ACTA2: variants seen among roughly 807,000 people sequenced by gnomAD.
ACTA2 encodes the protein actin alpha 2, smooth muscle.
In ACTA2, 12 loss-of-function variants were observed where a neutral mutation model predicts 39.5. The ratio of observed to expected loss-of-function variants is 0.30; its 90% CI spans 0.19 to 0.49. ACTA2 has a LOEUF of 0.49. Among genes scored for constraint, ACTA2 ranks in the 20% least tolerant of loss-of-function variants. ACTA2 has a pLI of 0.99. For synonymous variants in ACTA2, 158 were observed against 180.6 expected (o/e 0.88, Z 1.00); for missense variants, 236 against 498.8 (o/e 0.47, Z 5.02).
At chr10:88,962,310 T>G (rs1411876864) in intron 1 of ACTA2, among the ~76,000 whole-genome samples, 1 of 152,200 alleles carries the variant, frequency 6.6e-6, no homozygotes, top group African/African-American at 2.4e-5. Flanking sequence ...GTTTGTAAAT[T>G]CTGATCTACA....
Position 88,941,818 on chromosome 10 carries a change from C to T in ACTA2, c.421G>A (p.Val141Met). The T allele has an allele frequency of 1.2e-6, 2 of 1,613,136 alleles. No individual in the cohort carries two copies. Among genetic ancestry groups the T allele is most frequent in the Non-Finnish European group, 1.7e-6 (2 of 1,179,648 alleles). Residue 141 changes from valine to methionine, a missense_variant, in exon 5 of 9, where the codon GTG becomes ATG. Transcript: ENST00000224784. ...VPAMYVAIQAVLSLYASGRTT... is the reference protein window; with the variant it reads ...VPAMYVAIQAMLSLYASGRTT... ...CGTCCAGAGGCATAGAGAGACAGCA[C>T]CGCCTGGATAGCCACATACATGGCT...
At chr10:88,942,382 C>T (rs1845871892) in intron 4 of ACTA2, among the ~76,000 whole-genome samples, 1 of 152,190 alleles carries the variant, frequency 6.6e-6, no homozygotes, top group South Asian at 2.1e-4. Flanking sequence ...CTCAGGCTGG[C>T]TAGGTTTAGC....
At position 88,958,276 on chromosome 10, in the gene ACTA2, T is replaced by A. The variant is rs187739959; in HGVS notation, c.-23-9323A>T. On this transcript the variant is annotated intron_variant, in intron 1 of 4. Coordinates refer to the ACTA2 transcript ENST00000415557. ...ACTGAACTGAATAAAGCACAGAAAA[T>A]GCTTAGCAAATGGTCAAGGATATTC... Among the ~76,000 whole-genome samples, 557 of 152,318 alleles carry A rather than the reference T, an allele frequency of 3.7e-3. 2 individuals carry two copies. Among genetic ancestry groups the A allele is most frequent in the African/African-American group, 0.013 (537 of 41,570 alleles).
intron 7 of ACTA2, 165 bp from the exon 8 acceptor site, chr10:88,938,407 T>G (rs1353323089): frequency 2.7e-6 from 2 of 740,248 alleles, no homozygotes; most frequent in Non-Finnish European, 4.6e-6. Flanking sequence ...CTTGTTATGC[T>G]CTATGTCTTC....
chr10:88,976,632 C>T, intron 1 of ACTA2, among the ~76,000 whole-genome samples: 1 of 152,150 alleles, frequency 6.6e-6, no homozygotes, highest in East Asian at 1.9e-4. Context: ...TAATCAGCAG[C>T]AATTCAATGA....
intron 1 of ACTA2, among the ~76,000 whole-genome samples, chr10:88,977,157 C>T (rs1846583353): frequency 6.6e-6 from 1 of 151,940 alleles, no homozygotes; most frequent in African/African-American, 2.4e-5. Flanking sequence ...TGCAGAAGCT[C>T]TGTAGTTTAA....
At chr10:88,967,625 G>T (rs1363928806) in intron 1 of ACTA2, among the ~76,000 whole-genome samples, 4 of 152,124 alleles carry the variant, frequency 2.6e-5, no homozygotes. Flanking sequence ...TCAGGTATCA[G>T]AGCCCTTGTT....
intron 1 of ACTA2, among the ~76,000 whole-genome samples, chr10:88,980,041 G>A (rs113921685): frequency 1.1e-4 from 16 of 152,318 alleles, no homozygotes; most frequent in African/African-American, 3.1e-4. Flanking sequence ...CAGCTGAGCC[G>A]AAAGATAAAG....
At chr10:88,968,804 T>G (rs1846368916) in intron 1 of ACTA2, among the ~76,000 whole-genome samples, 1 of 152,204 alleles carries the variant, frequency 6.6e-6, no homozygotes, top group South Asian at 2.1e-4. Flanking sequence ...CCATAATGTG[T>G]GCATGTTAAA....
chr10:88,972,153 C>G (rs977340805), intron 1 of ACTA2, among the ~76,000 whole-genome samples: 2 of 151,910 alleles, frequency 1.3e-5, no homozygotes, highest in African/African-American at 2.4e-5. Context: ...GTGATCCACC[C>G]GCCTCAGCCT....
intron 1 of ACTA2, among the ~76,000 whole-genome samples, chr10:88,968,763 G>T (rs1846368124): frequency 6.6e-6 from 1 of 152,164 alleles, no homozygotes; most frequent in Non-Finnish European, 1.5e-5. Context: ...GGCAGCTGTT[G>T]ATATAGGCAT....
chr10:88,949,190 T>C (rs532241848), intron 1 of ACTA2, among the ~76,000 whole-genome samples: 11 of 152,322 alleles, frequency 7.2e-5, no homozygotes, highest in Middle Eastern at 3.4e-3. Context: ...AACCTTAGTG[T>C]AGTGACCGGC....
chr10:88,990,939 C>T lies in ACTA2; in HGVS notation c.-24G>A. 1 of 1,614,100 alleles carries T rather than the reference C, an allele frequency of 6.2e-7. No individual in the cohort carries two copies. The highest frequency in any genetic ancestry group is 1.7e-5 in the Admixed American group (1 of 60,026). On this transcript the variant is annotated splice_region_variant and 5_prime_UTR_variant, in exon 1 of 5. Transcript: ENST00000415557. The surrounding 1 kb of genome is among the most constrained non-coding windows in gnomAD (Gnocchi z 4.9). ...CTCTCCTGCCCGGGTGGAGGCTTAC[C>T]CCGTCTTAGTCCCGGGGATAGGCAA...
In ACTA2 at chr10:88,990,930, G is replaced by C. The variant is rs368294302; in HGVS notation, c.-24+9C>G. On this transcript the variant is annotated intron_variant, in intron 1 of 4. Transcript: ENST00000415557. This position sits in a 1 kb window ranked among gnomAD's most constrained non-coding sequence, Gnocchi z 4.9. ...TGGTGAGCCCTCTCCTGCCCGGGTG[G>C]AGGCTTACCCCGTCTTAGTCCCGGG... 15 of 1,614,166 alleles carry C rather than the reference G, an allele frequency of 9.3e-6. No homozygotes were observed. The highest frequency in any genetic ancestry group is 1.2e-5 in the Non-Finnish European group (14 of 1,180,006).
chr10:88,962,974 T>A (rs1170501217), intron 1 of ACTA2, among the ~76,000 whole-genome samples: 9 of 72,144 alleles, frequency 1.2e-4, no homozygotes, highest in African/African-American at 3.9e-4. Flanking sequence ...TATATATATA[T>A]ATAATATTTT....
intron 1 of ACTA2, chr10:88,973,403 T>G: frequency 3.0e-6 from 4 of 1,335,096 alleles, no homozygotes; most frequent in Non-Finnish European, 3.9e-6. Flanking sequence ...GAGTTCCCGA[T>G]GAAAACAACT....
chr10:88,987,927 G>A (rs749827777), intron 1 of ACTA2, among the ~76,000 whole-genome samples: 2 of 151,870 alleles, frequency 1.3e-5, no homozygotes, highest in African/African-American at 2.4e-5. Flanking sequence ...GCCTTATCCA[G>A]TTAGTTGAAG....
chr10:88,963,206 T>A (rs1286652857), intron 1 of ACTA2, among the ~76,000 whole-genome samples: 1 of 151,156 alleles, frequency 6.6e-6, no homozygotes, highest in African/African-American at 2.4e-5. Context: ...AGTAAGAAAA[T>A]CAGAAAATTT....
intron 1 of ACTA2, among the ~76,000 whole-genome samples, chr10:88,980,502 C>T (rs1846684530): frequency 6.6e-6 from 1 of 152,216 alleles, no homozygotes; most frequent in African/African-American, 2.4e-5. Flanking sequence ...CTTATAATTA[C>T]TCTAATTTGT....
Sources: allele counts gnomAD v4.1 joint callset (sites outside exome capture counted in the v4.1 genomes callset), GRCh38; gene constraint gnomAD v4.1.1; non-coding constraint Gnocchi (gnomAD v3.1); transcripts MANE v1.5; gene names NCBI Gene and HGNC (gene_info 2026-07-23, HGNC 2026-07-21).